The following MYT1L variants were observed in gnomAD, a reference collection of about 807,000 sequenced individuals.
The protein encoded by MYT1L is myelin transcription factor 1 like.
Under a neutral mutation model 126.7 loss-of-function variants are expected in MYT1L, and 12 were observed. The observed-to-expected ratio is 0.09, with a 90% CI of 0.06 to 0.15. The LOEUF (loss-of-function observed/expected upper bound fraction) is 0.15, where lower values mean the gene tolerates loss of function less well. MYT1L is among the 10% of genes least tolerant of loss of function. The pLI is 1.00. For missense variants in MYT1L, 979 were observed against 1,585.2 expected, an observed-to-expected ratio of 0.62 and a Z score of 6.49; for synonymous variants, 541 against 604.2, an observed-to-expected ratio of 0.90 and a Z score of 1.53.
chr2:2,142,966 T>C (rs1003721686), intron 3 of MYT1L, among the ~76,000 whole-genome samples: 199 of 150,354 alleles, frequency 1.3e-3, no homozygotes, highest in African/African-American at 4.6e-3. Context: ...GGCTTACAGG[T>C]GTGAGCCACC....
intron 9 of MYT1L, among the ~76,000 whole-genome samples, chr2:1,941,714 T>C (rs1013321331): frequency 2.6e-5 from 4 of 152,192 alleles, no homozygotes; most frequent in Non-Finnish European, 5.9e-5. Flanking sequence ...TCTATCTATG[T>C]GTGTGTACAT....
chr2:2,076,040 G>A (rs2075183823), intron 3 of MYT1L, among the ~76,000 whole-genome samples: 1 of 152,240 alleles, frequency 6.6e-6, no homozygotes, highest in African/African-American at 2.4e-5. Flanking sequence ...TGTGGGCACA[G>A]TAGTGAGGGA....
At chr2:2,140,332 G>A (rs753998447) in intron 3 of MYT1L, among the ~76,000 whole-genome samples, 1 of 150,802 alleles carries the variant, frequency 6.6e-6, no homozygotes, top group African/African-American at 2.4e-5. Context: ...AATTGTTTTT[G>A]TTAAAAAAGC....
chr2:2,311,834 A>G (rs17039555), intron 1 of MYT1L, among the ~76,000 whole-genome samples: 6,171 of 152,316 alleles, frequency 0.041, 197 homozygotes, highest in African/African-American at 0.089. Flanking sequence ...TGTCTGGAAC[A>G]TAAATGAGGT....
intron 3 of MYT1L, among the ~76,000 whole-genome samples, chr2:2,110,952 G>A (rs1009539371): frequency 6.6e-6 from 1 of 152,150 alleles, no homozygotes; most frequent in Non-Finnish European, 1.5e-5. Context: ...TGTCCCTGTG[G>A]AGCACGCAGG....
intron 4 of MYT1L, among the ~76,000 whole-genome samples, chr2:2,015,296 C>T (rs1250308852): frequency 6.6e-6 from 1 of 152,174 alleles, no homozygotes; most frequent in African/African-American, 2.4e-5. Context: ...AGTGCAGGCG[C>T]AGCATGCAGG....
intron 3 of MYT1L, among the ~76,000 whole-genome samples, chr2:2,160,388 T>G (rs531417457): frequency 6.6e-6 from 1 of 152,242 alleles, no homozygotes; most frequent in Non-Finnish European, 1.5e-5. Context: ...AACCAAATGG[T>G]TGATGAAGGA....
chr2:1,968,309 A>T (rs965646112), intron 8 of MYT1L, among the ~76,000 whole-genome samples: 5 of 152,160 alleles, frequency 3.3e-5, no homozygotes, highest in African/African-American at 1.2e-4. Context: ...TTCATTCAGA[A>T]GCGTGAGAAG....
chr2:1,831,787 C>T (rs931648836), intron 21 of MYT1L, among the ~76,000 whole-genome samples: 3 of 152,148 alleles, frequency 2.0e-5, no homozygotes, highest in South Asian at 2.1e-4. Context: ...ATCACGGCCT[C>T]TCCGCCTCCA....
At chr2:2,266,253 G>A (rs545011529) in intron 2 of MYT1L, among the ~76,000 whole-genome samples, 4 of 152,290 alleles carry the variant, frequency 2.6e-5, no homozygotes, top group East Asian at 3.9e-4. Context: ...AAGATCTACC[G>A]GACTTCACTG....
rs771313510 is a variant in MYT1L, at chr2:2,001,972, C to T, written c.-157-4625G>A. 8.5e-4 allele frequency among the ~76,000 whole-genome samples: 129 copies of T among 152,276 alleles called. 1 individual carries two copies. The highest frequency in any genetic ancestry group is 6.8e-3 in the Middle Eastern group (2 of 294). On this transcript the variant is annotated intron_variant, in intron 4 of 24. Transcript: ENST00000647738. ...GCTGTCAGGTTTTAACCCTGCTCCACGGTGAGAAATAGATTTTACATCTTG... is the reference window on the plus strand; with the variant it reads ...GCTGTCAGGTTTTAACCCTGCTCCATGGTGAGAAATAGATTTTACATCTTG...
chr2:2,140,676 C>T (rs373021075), intron 3 of MYT1L, among the ~76,000 whole-genome samples: 35 of 151,956 alleles, frequency 2.3e-4, no homozygotes, highest in East Asian at 1.9e-3. Context: ...CCTCATGATC[C>T]GCCGCCTCGG....
intron 18 of MYT1L, among the ~76,000 whole-genome samples, chr2:1,867,462 A>G (rs1045792625): frequency 2.6e-4 from 40 of 152,096 alleles, no homozygotes; most frequent in African/African-American, 9.7e-4. Flanking sequence ...CTGCACTACT[A>G]ATCACCAACT....
chr2:2,040,784 G>A (rs2067440987), intron 4 of MYT1L, among the ~76,000 whole-genome samples: 3 of 152,130 alleles, frequency 2.0e-5, no homozygotes, highest in Admixed American at 2.0e-4. Flanking sequence ...TGAAGTAAAA[G>A]TAGTTTTATT....
chr2:2,202,939 T>A (rs1308866193), intron 2 of MYT1L, among the ~76,000 whole-genome samples: 1 of 152,048 alleles, frequency 6.6e-6, no homozygotes, highest in African/African-American at 2.4e-5. Context: ...CAAGTGGGCT[T>A]CATCCCTGGG....
chr2:2,168,168 G>A (rs546684050), intron 3 of MYT1L, among the ~76,000 whole-genome samples: 1 of 152,148 alleles, frequency 6.6e-6, no homozygotes, highest in South Asian at 2.1e-4. Flanking sequence ...GAGTAACTCT[G>A]CAGAACGGTG....
chr2:1,858,908 C>A (rs530533384), intron 18 of MYT1L, among the ~76,000 whole-genome samples: 9 of 152,358 alleles, frequency 5.9e-5, no homozygotes, highest in Admixed American at 5.9e-4. Flanking sequence ...ACCTCAGCCT[C>A]CCTGCCCGGT....
intron 3 of MYT1L, among the ~76,000 whole-genome samples, chr2:2,128,903 T>C (rs2082030739): frequency 6.6e-6 from 1 of 152,228 alleles, no homozygotes; most frequent in African/African-American, 2.4e-5. Context: ...ATTATTTGCA[T>C]AAATATTAAA....
chr2:1,969,006 C>T (rs1291160798), intron 8 of MYT1L, among the ~76,000 whole-genome samples: 1 of 152,218 alleles, frequency 6.6e-6, no homozygotes, highest in Admixed American at 6.5e-5. Context: ...AGTCCTCACC[C>T]CACTCCAAAG....
Sources: gnomAD v4.1 joint callset for allele counts (sites outside exome capture counted in the v4.1 genomes callset) on GRCh38, gnomAD v4.1.1 for gene constraint, MANE v1.5 for transcripts, NCBI Gene and HGNC (gene_info 2026-07-23, HGNC 2026-07-21) for gene names.